MBD5: variants seen among roughly 807,000 people sequenced by gnomAD.
The protein encoded by MBD5 is methyl-CpG-binding domain protein 5.
In MBD5, 13 loss-of-function variants were observed where a neutral mutation model predicts 117.3. That is an observed-to-expected ratio of 0.11 (90% confidence interval 0.07 to 0.18). The LOEUF is 0.18. MBD5 is among the 10% of genes least tolerant of loss of function. MBD5 has a pLI of 1.00. For synonymous variants in MBD5, 727 were observed against 766.4 expected, an observed-to-expected ratio of 0.95 and a Z score of 0.85; for missense variants, 1,879 against 2,093.8, an observed-to-expected ratio of 0.90 and a Z score of 2.00.
At chr2:148,460,534 C>T (rs1281697951) in intron 5 of MBD5, among the ~76,000 whole-genome samples, 1 of 152,212 alleles carries the variant, frequency 6.6e-6, no homozygotes, top group African/African-American at 2.4e-5. Context: ...GCTCCCTGCT[C>T]AATGTGCAGT....
rs796230019 is a variant in MBD5, at chr2:148,288,395, G to A, written c.-679-53819G>A. ...AGCCTGGGCGACAGAGCGAGACTCC[G>A]TCTCAAAAAAAAAAAAAAAGTGATT... On this transcript the variant is annotated intron_variant, in intron 3 of 13. Transcript: ENST00000642680. Among the ~76,000 whole-genome samples, 33 of 32,188 alleles carry A rather than the reference G, an allele frequency of 1.0e-3. 1 individual carries two copies. Among genetic ancestry groups the A allele is most frequent in the East Asian group, 4.9e-3 (1 of 206 alleles). The allele number at this position is 32,188 out of a possible 152,430, so 21.1% of individuals were successfully genotyped here. A position where few individuals can be genotyped will look rare whatever the true frequency, so the allele number is the denominator to read the frequency against.
intron 1 of MBD5, among the ~76,000 whole-genome samples, chr2:148,066,408 C>T (rs1695194539): frequency 6.6e-6 from 1 of 151,844 alleles, no homozygotes; most frequent in South Asian, 2.1e-4. Context: ...TTTTTTCTTA[C>T]TTCCTCACTA....
chr2:148,031,503 A>G (rs56047077), intron 1 of MBD5, among the ~76,000 whole-genome samples: 4,113 of 152,154 alleles, frequency 0.027, 125 homozygotes, highest in African/African-American at 0.058. Flanking sequence ...TGGGAAGCTT[A>G]TTTTTACTAG....
chr2:148,330,624 T>C (rs972113093), intron 3 of MBD5: 2 of 152,208 alleles, frequency 1.3e-5, no homozygotes, highest in Non-Finnish European at 2.9e-5. Flanking sequence ...TTCTAGTCTA[T>C]GTTTTGTAGT....
intron 1 of MBD5, chr2:148,026,162 A>G (rs1352999510): frequency 6.6e-6 from 1 of 152,130 alleles, no homozygotes; most frequent in African/African-American, 2.4e-5. Context: ...TTAACTTTCT[A>G]TTTTAGTAAT....
intron 2 of MBD5, among the ~76,000 whole-genome samples, chr2:148,220,753 A>G (rs1699665838): frequency 6.6e-6 from 1 of 152,142 alleles, no homozygotes; most frequent in Non-Finnish European, 1.5e-5. Context: ...GTTACAATCA[A>G]ATTATACTTT....
intron 3 of MBD5, among the ~76,000 whole-genome samples, chr2:148,292,649 A>G (rs1236376085): frequency 6.6e-6 from 1 of 152,228 alleles, no homozygotes; most frequent in Non-Finnish European, 1.5e-5. Context: ...CACTATGGAC[A>G]ACAGTCTGGA....
intron 1 of MBD5, among the ~76,000 whole-genome samples, chr2:148,036,906 A>G (rs1348850311): frequency 6.6e-6 from 1 of 152,044 alleles, no homozygotes; most frequent in Non-Finnish European, 1.5e-5. Flanking sequence ...CATAAGTTTA[A>G]GAAACTGATG....
chr2:148,491,313 T>C (rs1681518258), intron 11 of MBD5, among the ~76,000 whole-genome samples: 1 of 151,618 alleles, frequency 6.6e-6, no homozygotes, highest in Admixed American at 6.6e-5. Flanking sequence ...TTTTTTTTTT[T>C]TCGGCCTTTA....
At chr2:148,131,793 G>A (rs941343731) in intron 1 of MBD5, among the ~76,000 whole-genome samples, 2 of 152,164 alleles carry the variant, frequency 1.3e-5, no homozygotes, top group African/African-American at 4.8e-5. Context: ...GGTAAATAGA[G>A]TGCTATATTT....
intron 3 of MBD5, among the ~76,000 whole-genome samples, chr2:148,294,501 G>GTTTTTTTTTTTTTGTTTTTTTTTTGTT (rs761709621): frequency 1.8e-5 from 2 of 113,216 alleles, no homozygotes; most frequent in Admixed American, 9.5e-5. Context: ...TGGGATTACA[G>GTTTTTTTTTTTTTGTTTTTTTTTTGTT]TTTTTTTTTT....
chr2:148,434,092 T>C (rs1485349086), intron 4 of MBD5, among the ~76,000 whole-genome samples: 1 of 152,100 alleles, frequency 6.6e-6, no homozygotes, highest in East Asian at 1.9e-4. Context: ...GTTCAGGGAT[T>C]CAGTTTCACC....
chr2:148,486,430 TG>T (rs1681342830), intron 10 of MBD5, among the ~76,000 whole-genome samples: 1 of 152,090 alleles, frequency 6.6e-6, no homozygotes, highest in Non-Finnish European at 1.5e-5. Context: ...AAAATAATCT[TG>T]GGGTAGAGAA....
chr2:148,435,737 G>A (rs979439551), intron 4 of MBD5, among the ~76,000 whole-genome samples: 1 of 152,086 alleles, frequency 6.6e-6, no homozygotes, highest in African/African-American at 2.4e-5. Flanking sequence ...GTCTTCTTGT[G>A]TAATATCTTG....
chr2:148,379,760 A>G (rs138936284), intron 4 of MBD5, among the ~76,000 whole-genome samples: 1 of 152,220 alleles, frequency 6.6e-6, no homozygotes, highest in Non-Finnish European at 1.5e-5. Context: ...GGGGTATAAC[A>G]GGAACCATCA....
chr2:148,480,571 T>C (rs1681117482), intron 8 of MBD5, among the ~76,000 whole-genome samples: 1 of 152,064 alleles, frequency 6.6e-6, no homozygotes, highest in South Asian at 2.1e-4. Flanking sequence ...CTCTTAAAAA[T>C]ATTTGTAAAG....
rs1441583402 is a variant in MBD5, at chr2:148,192,642, A to G, written c.-831+13849A>G. On this transcript the variant is annotated intron_variant, in intron 2 of 13. Transcript: ENST00000642680. ...TAAGAGCTATCTATGACAAACCCAC[A>G]GCCAATATCATTCTGAATGGGCAAA... Among the ~76,000 whole-genome samples the G allele has an allele frequency of 3.0e-5, 4 of 134,010 alleles. No individual in the cohort carries two copies. The East Asian group carries it at 8.9e-4, about 30-fold the overall frequency. 87.9% of individuals were successfully genotyped at this position (134,010 alleles called of 152,430 possible). A position where few individuals can be genotyped will look rare whatever the true frequency, so the allele number is the denominator to read the frequency against.
chr2:148,327,585 A>G (rs904960629), intron 3 of MBD5, among the ~76,000 whole-genome samples: 28 of 151,282 alleles, frequency 1.9e-4, no homozygotes, highest in African/African-American at 6.8e-4. Flanking sequence ...GCTTCATTTC[A>G]TTCATTTCAT....
intron 1 of MBD5, chr2:148,055,396 A>G (rs1417287539): frequency 7.0e-6 from 1 of 142,846 alleles, no homozygotes; most frequent in Admixed American, 7.0e-5. Context: ...CAATCCCTTC[A>G]CTGCTTATTG....
Sources: gnomAD v4.1 joint callset for allele counts (sites outside exome capture counted in the v4.1 genomes callset) on GRCh38, gnomAD v4.1.1 for gene constraint, MANE v1.5 for transcripts, NCBI Gene and HGNC (gene_info 2026-07-23, HGNC 2026-07-21) for gene names.